LRBA: variants seen among roughly 807,000 people sequenced by gnomAD.
LRBA encodes lipopolysaccharide-responsive and beige-like anchor protein.
Under a neutral mutation model 330.0 loss-of-function variants are expected in LRBA, and 176 were observed. The observed-to-expected ratio is 0.53, with a 90% confidence interval of 0.47 to 0.60. The LOEUF (loss-of-function observed/expected upper bound fraction) is 0.60, where lower values mean the gene tolerates loss of function less well. Among genes scored for constraint, LRBA ranks in the 20% least tolerant of loss-of-function variants. LRBA has a pLI of 0.00. For synonymous variants in LRBA, 1,230 were observed against 1,193.0 expected (o/e 1.03, Z -0.64); for missense variants, 3,259 against 3,444.8 (o/e 0.95, Z 1.35).
At chr4:150,692,394 A>G (rs1046488294) in intron 36 of LRBA, among the ~76,000 whole-genome samples, 1 of 151,942 alleles carries the variant, frequency 6.6e-6, no homozygotes, top group South Asian at 2.1e-4. Flanking sequence ...AATTTTTTCG[A>G]TTTATTGTAG....
chr4:150,454,687 C>T (rs1378387654), intron 44 of LRBA, among the ~76,000 whole-genome samples: 1 of 151,958 alleles, frequency 6.6e-6, no homozygotes, highest in Non-Finnish European at 1.5e-5. Context: ...ATACTTGTCA[C>T]CCAAAGAGTG....
At chr4:150,585,867 T>C (rs1177148047) in intron 40 of LRBA, among the ~76,000 whole-genome samples, 1 of 152,080 alleles carries the variant, frequency 6.6e-6, no homozygotes, top group Non-Finnish European at 1.5e-5. Context: ...GCAGAATAGA[T>C]GAAAAACAAG....
intron 47 of LRBA, among the ~76,000 whole-genome samples, chr4:150,403,869 A>G (rs1220928591): frequency 6.6e-6 from 1 of 152,044 alleles, no homozygotes; most frequent in African/African-American, 2.4e-5. Flanking sequence ...GGTCTCTACT[A>G]AAAATACAAA....
At chr4:150,717,955 G>A (rs914445399) in intron 36 of LRBA, among the ~76,000 whole-genome samples, 1 of 151,994 alleles carries the variant, frequency 6.6e-6, no homozygotes, top group African/African-American at 2.4e-5. Flanking sequence ...ATGTTTTACA[G>A]ATATATCACA....
intron 49 of LRBA, among the ~76,000 whole-genome samples, chr4:150,323,435 C>G (rs1732818950): frequency 1.3e-5 from 2 of 152,108 alleles, no homozygotes; most frequent in Admixed American, 1.3e-4. Flanking sequence ...TAATTAGGCT[C>G]AAATTGAATA....
chr4:150,817,324 C>CA, intron 30 of LRBA, 67 bp from the exon 31 acceptor site: 2 of 1,436,274 alleles, frequency 1.4e-6, no homozygotes, highest in South Asian at 2.4e-5. Context: ...ACATGAATTT[C>CA]AAAACAGAAA....
chr4:150,340,347 A>G (rs1012900941), intron 48 of LRBA, among the ~76,000 whole-genome samples: 2 of 152,216 alleles, frequency 1.3e-5, no homozygotes, highest in Non-Finnish European at 2.9e-5. Context: ...ACAGATTGCT[A>G]TAAAGATTCA....
At chr4:150,563,049 A>G (rs1768583392) in intron 40 of LRBA, among the ~76,000 whole-genome samples, 1 of 152,136 alleles carries the variant, frequency 6.6e-6, no homozygotes, top group Non-Finnish European at 1.5e-5. Flanking sequence ...ATACCAACTC[A>G]GCCTCTAAAA....
intron 46 of LRBA, among the ~76,000 whole-genome samples, chr4:150,419,968 G>C (rs1288868109): frequency 1.3e-5 from 2 of 150,556 alleles, no homozygotes; most frequent in African/African-American, 4.8e-5. Context: ...CAGGCACCGT[G>C]GCTAAGGCCT....
chr4:150,717,596 T>C (rs1582134463), intron 36 of LRBA, among the ~76,000 whole-genome samples: 1 of 150,848 alleles, frequency 6.6e-6, no homozygotes, highest in East Asian at 1.9e-4. Flanking sequence ...GGAAGCTCAG[T>C]TTGCAGTGAG....
chr4:150,516,376 C>T (rs1581555810), intron 40 of LRBA, among the ~76,000 whole-genome samples: 1 of 151,542 alleles, frequency 6.6e-6, no homozygotes, highest in African/African-American at 2.4e-5. Flanking sequence ...CATGTGACTA[C>T]ATATATAATC....
intron 47 of LRBA, among the ~76,000 whole-genome samples, chr4:150,383,278 G>A (rs1742557422): frequency 2.0e-5 from 3 of 152,128 alleles, no homozygotes; most frequent in South Asian, 2.1e-4. Flanking sequence ...AGACAGTCTC[G>A]CTTTGTCACC....
chr4:150,490,804 C>T (rs1308221924), intron 41 of LRBA, 114 bp downstream of exon 41: 4 of 522,094 alleles, frequency 7.7e-6, no homozygotes, highest in Admixed American at 3.0e-5. Context: ...GTCACTAGAA[C>T]AGAAGGTGGG....
intron 2 of LRBA, among the ~76,000 whole-genome samples, chr4:150,985,351 T>C (rs1341759154): frequency 3.3e-5 from 5 of 151,816 alleles, no homozygotes; most frequent in African/African-American, 1.2e-4. Flanking sequence ...AGTTCCACCA[T>C]GGAACTAGTA....
chr4:150,325,810 A>T lies in LRBA; in HGVS notation c.7451T>A (p.Val2484Glu), dbSNP rs1264723202. The T allele has an allele frequency of 6.2e-7, 1 of 1,607,700 alleles. No individual in the cohort carries two copies. The highest frequency in any genetic ancestry group is 8.5e-7 in the Non-Finnish European group (1 of 1,174,364). Residue 2484 changes from valine (V) to glutamate (E), a missense_variant and splice_region_variant, in exon 49 of 57, where the codon GTG becomes GAG. Coordinates refer to ENST00000651943, the MANE Select transcript of LRBA (RefSeq NM_001364905.1). ...GAGGAGAGTAAAAATAGCACTTACC[A>T]CTTGCATGGCAGAACCTCTGGGAGG... is the stretch of plus-strand genomic sequence containing the variant. Reference protein sequence around the residue: ...PHPPRGSAMQVSPLMFTDKAQ... With the variant: ...PHPPRGSAMQESPLMFTDKAQ...
chr4:150,618,331 T>C (rs1475664051), intron 37 of LRBA, among the ~76,000 whole-genome samples: 2 of 152,178 alleles, frequency 1.3e-5, no homozygotes, highest in Non-Finnish European at 2.9e-5. Flanking sequence ...TCTGAAAGAC[T>C]CTCTGTCCCA....
intron 22 of LRBA, among the ~76,000 whole-genome samples, chr4:150,861,097 T>C (rs897781782): frequency 6.6e-6 from 1 of 152,146 alleles, no homozygotes; most frequent in South Asian, 2.1e-4. Context: ...TTTTAATGTT[T>C]TAATTTTTGT....
At chr4:150,655,358 C>T (rs1171317563) in intron 37 of LRBA, among the ~76,000 whole-genome samples, 2 of 152,170 alleles carry the variant, frequency 1.3e-5, no homozygotes, top group Admixed American at 1.3e-4. Flanking sequence ...GATTATTCAG[C>T]TTCCAACACT....
intron 53 of LRBA, among the ~76,000 whole-genome samples, chr4:150,292,211 A>G (rs917486781): frequency 6.6e-6 from 1 of 152,200 alleles, no homozygotes; most frequent in Non-Finnish European, 1.5e-5. Context: ...CTTGCTCATA[A>G]ATATCCAGTG....
Sources: gnomAD v4.1 joint callset for allele counts (sites outside exome capture counted in the v4.1 genomes callset) on GRCh38, gnomAD v4.1.1 for gene constraint, MANE v1.5 for transcripts, NCBI Gene and HGNC (gene_info 2026-07-23, HGNC 2026-07-21) for gene names.